ANKS1B: variants seen among roughly 807,000 people sequenced by gnomAD.
The protein encoded by ANKS1B is ankyrin repeat and sterile alpha motif domain containing 1B.
Under a neutral mutation model 148.3 loss-of-function variants are expected in ANKS1B, and 36 were observed. That is an observed-to-expected ratio of 0.24 (90% confidence interval 0.19 to 0.32). The LOEUF (loss-of-function observed/expected upper bound fraction) is 0.32, where lower values mean the gene tolerates loss of function less well. Ranked by LOEUF, ANKS1B falls within the 10% of genes least tolerant of loss-of-function variation. The pLI, the probability that ANKS1B is intolerant of heterozygous loss-of-function variation, is 1.00. For synonymous variants in ANKS1B, 542 were observed against 560.8 expected, an observed-to-expected ratio of 0.97 and a Z score of 0.47; for missense variants, 1,157 against 1,542.6, an observed-to-expected ratio of 0.75 and a Z score of 4.19.
At chr12:99,299,903 GGAAA>G (rs2081378849) in intron 12 of ANKS1B, among the ~76,000 whole-genome samples, 1 of 152,056 alleles carries the variant, frequency 6.6e-6, no homozygotes, top group African/African-American at 2.4e-5. Flanking sequence ...TGCCTTTCCT[GGAAA>G]GGAACAATGA....
chr12:99,454,422 GCCA>G (rs2095811824), intron 10 of ANKS1B, among the ~76,000 whole-genome samples: 1 of 151,880 alleles, frequency 6.6e-6, no homozygotes, highest in African/African-American at 2.4e-5. Flanking sequence ...GCAGCTTCAA[GCCA>G]ATAAGAACTT....
At chr12:99,628,708 G>A (rs2098131795) in intron 9 of ANKS1B, among the ~76,000 whole-genome samples, 1 of 152,074 alleles carries the variant, frequency 6.6e-6, no homozygotes, top group Non-Finnish European at 1.5e-5. Context: ...AAAGTCAAGG[G>A]GTCCCAATCT....
At chr12:99,218,228 T>C (rs2084538073) in intron 14 of ANKS1B, among the ~76,000 whole-genome samples, 1 of 152,218 alleles carries the variant, frequency 6.6e-6, no homozygotes, top group Admixed American at 6.5e-5. Context: ...TTTTCTCTCC[T>C]AGGATTCTTC....
At chr12:99,643,459 G>A (rs1385312415) in intron 9 of ANKS1B, among the ~76,000 whole-genome samples, 1 of 152,136 alleles carries the variant, frequency 6.6e-6, no homozygotes, top group African/African-American at 2.4e-5. Flanking sequence ...ATTCAGAACT[G>A]CAACTGGGCA....
chr12:99,297,503 T>C (rs376009315), intron 12 of ANKS1B, among the ~76,000 whole-genome samples: 18 of 152,340 alleles, frequency 1.2e-4, no homozygotes, highest in African/African-American at 4.1e-4. Context: ...ACCAGCTACA[T>C]GTTAGGAACT....
At chr12:99,066,298 G>A (rs1446723132) in intron 16 of ANKS1B, among the ~76,000 whole-genome samples, 2 of 152,138 alleles carry the variant, frequency 1.3e-5, no homozygotes, top group East Asian at 3.9e-4. Flanking sequence ...TCCAGCCTGG[G>A]TGACAAAGCA....
chr12:99,542,146 A>T (rs10860460), intron 9 of ANKS1B, among the ~76,000 whole-genome samples: 66,223 of 151,970 alleles, frequency 0.44, 14,637 homozygotes, highest in East Asian at 0.56. Context: ...GATGACATGA[A>T]CTTACATATG....
chr12:99,770,712 A>G (rs1047346380), intron 8 of ANKS1B, among the ~76,000 whole-genome samples: 20 of 151,732 alleles, frequency 1.3e-4, no homozygotes, highest in Admixed American at 9.2e-4. Flanking sequence ...CCTGACATTC[A>G]TAATTATCCA....
chr12:99,357,761 T>G (rs1276145953), intron 12 of ANKS1B, among the ~76,000 whole-genome samples: 1 of 152,148 alleles, frequency 6.6e-6, no homozygotes, highest in Non-Finnish European at 1.5e-5. Flanking sequence ...CATTACTAGT[T>G]GAAAGAGTAT....
chr12:99,930,060 T>C (rs1241232843), intron 1 of ANKS1B, among the ~76,000 whole-genome samples: 2 of 151,970 alleles, frequency 1.3e-5, no homozygotes, highest in African/African-American at 4.8e-5. Context: ...TTGATGGGGA[T>C]GGCATTGAAT....
At chr12:98,754,002 A>G (rs554163012) in intron 25 of ANKS1B, among the ~76,000 whole-genome samples, 26 of 152,308 alleles carry the variant, frequency 1.7e-4, no homozygotes, top group African/African-American at 4.8e-4. Flanking sequence ...TTCTAGACCA[A>G]CCAGATTCCA....
intron 15 of ANKS1B, among the ~76,000 whole-genome samples, chr12:99,090,713 T>C (rs1486832091): frequency 6.6e-6 from 1 of 152,162 alleles, no homozygotes; most frequent in Non-Finnish European, 1.5e-5. Flanking sequence ...TCTGCTTCTA[T>C]AAAAGCTTTG....
intron 16 of ANKS1B, among the ~76,000 whole-genome samples, chr12:99,063,024 C>T (rs944162613): frequency 1.3e-5 from 2 of 152,088 alleles, no homozygotes; most frequent in African/African-American, 2.4e-5. Flanking sequence ...AAGGTCCTCA[C>T]GTGGGCAAGA....
chr12:99,853,039 T>C (rs2088240353), intron 1 of ANKS1B, among the ~76,000 whole-genome samples: 1 of 152,038 alleles, frequency 6.6e-6, no homozygotes, highest in African/African-American at 2.4e-5. Context: ...ACCAAACTCC[T>C]TTCCCCCATA....
chr12:99,287,440 G>A (rs528959178), intron 12 of ANKS1B, among the ~76,000 whole-genome samples: 4 of 152,192 alleles, frequency 2.6e-5, no homozygotes, highest in African/African-American at 9.6e-5. Context: ...AGAAGGATGG[G>A]TACAAATAAG....
At chr12:99,172,826 A>G (rs1601389653) in intron 14 of ANKS1B, among the ~76,000 whole-genome samples, 1 of 152,342 alleles carries the variant, frequency 6.6e-6, no homozygotes, top group East Asian at 1.9e-4. Flanking sequence ...TGCTTAGAAC[A>G]GTACTTGCAT....
intron 12 of ANKS1B, among the ~76,000 whole-genome samples, chr12:99,273,704 G>A (rs2077331015): frequency 6.6e-6 from 1 of 151,518 alleles, no homozygotes; most frequent in South Asian, 2.1e-4. Flanking sequence ...AGCCTCCGGA[G>A]TAGCTGGGAT....
At chr12:99,091,491 T>A (rs1490749481) in intron 15 of ANKS1B, among the ~76,000 whole-genome samples, 3 of 152,232 alleles carry the variant, frequency 2.0e-5, no homozygotes, top group Non-Finnish European at 4.4e-5. Flanking sequence ...CAGTAATTTG[T>A]ACTGCCTTTG....
intron 14 of ANKS1B, among the ~76,000 whole-genome samples, chr12:99,165,610 A>G (rs1160513247): frequency 6.6e-6 from 1 of 151,920 alleles, no homozygotes; most frequent in Non-Finnish European, 1.5e-5. Flanking sequence ...CTACCTATTG[A>G]AGTAATTGTA....
Sources: allele counts gnomAD v4.1 joint callset (sites outside exome capture counted in the v4.1 genomes callset), GRCh38; gene constraint gnomAD v4.1.1; transcripts MANE v1.5; gene names NCBI Gene and HGNC (gene_info 2026-07-23, HGNC 2026-07-21).